DAB1: variants seen among roughly 807,000 people sequenced by gnomAD.
DAB1 encodes the protein disabled homolog 1.
DAB1 carries 15 observed loss-of-function variants against 64.6 expected under a neutral mutation model. The observed-to-expected ratio is 0.23, with a 90% CI of 0.16 to 0.36. The LOEUF is 0.36. DAB1 is among the 10% of genes least tolerant of loss of function. The pLI is 1.00. For missense variants in DAB1, 596 were observed against 706.7 expected (o/e 0.84, Z 1.78); for synonymous variants, 235 against 251.9 (o/e 0.93, Z 0.64).
At chr1:58,114,376 G>A (rs571155214) in intron 5 of DAB1, among the ~76,000 whole-genome samples, 3 of 152,326 alleles carry the variant, frequency 2.0e-5, no homozygotes, top group African/African-American at 7.2e-5. Context: ...ATGCAGGAAG[G>A]AGGATTATCT....
chr1:58,507,381 T>A (rs940900741), intron 2 of DAB1, among the ~76,000 whole-genome samples: 1 of 151,976 alleles, frequency 6.6e-6, no homozygotes, highest in Non-Finnish European at 1.5e-5. Flanking sequence ...GAACACTGCA[T>A]GCTAGTCAAC....
At chr1:57,477,507 C>T (rs1408427047) in intron 7 of DAB1, among the ~76,000 whole-genome samples, 3 of 152,126 alleles carry the variant, frequency 2.0e-5, no homozygotes, top group Non-Finnish European at 4.4e-5. Context: ...ACTAGTTTTA[C>T]GTAGCTGAAA....
intron 3 of DAB1, among the ~76,000 whole-genome samples, chr1:58,488,742 G>T (rs149449339): frequency 6.6e-6 from 1 of 152,144 alleles, no homozygotes; most frequent in Non-Finnish European, 1.5e-5. Context: ...GAGCCACCAC[G>T]CCCAGCCCCA....
At chr1:57,161,720 G>A (rs1387523908) in intron 2 of DAB1, among the ~76,000 whole-genome samples, 5 of 151,750 alleles carry the variant, frequency 3.3e-5, no homozygotes, top group African/African-American at 2.4e-5. Context: ...CTTAACATTT[G>A]GAAAGTGTAG....
intron 3 of DAB1, among the ~76,000 whole-genome samples, chr1:58,462,113 C>T (rs67222361): frequency 0.045 from 2,427 of 53,676 alleles, 99 homozygotes; most frequent in Middle Eastern, 0.15. Context: ...GAGAAGGTTT[C>T]TTTTTTTTTT....
rs1477393147 is a variant in DAB1 at position 58,400,263 on chromosome 1, C to T, written n.258-56860G>A. ...GGCCATAGTAATACTCCTGAGTTTA[C>T]ATCTCCTCTGTGAAGAGGAGACAAA... On this transcript the variant is annotated intron_variant and non_coding_transcript_variant, in intron 3 of 20. Transcript: ENST00000485760. Among the ~76,000 whole-genome samples, 5 of 151,650 alleles carry T rather than the reference C, an allele frequency of 3.3e-5. No homozygotes were observed. In the East Asian group the frequency reaches 7.8e-4, roughly 24 times the overall value.
intron 7 of DAB1, among the ~76,000 whole-genome samples, chr1:57,628,350 G>A (rs1242141306): frequency 6.6e-6 from 1 of 152,154 alleles, no homozygotes; most frequent in Non-Finnish European, 1.5e-5. Context: ...CAAAGGAATC[G>A]GCAGTTCAAA....
chr1:57,488,664 G>A lies in DAB1; in HGVS notation n.625+160928C>T, dbSNP rs116003483. On this transcript the variant is annotated intron_variant and non_coding_transcript_variant, in intron 7 of 20. Coordinates refer to the DAB1 transcript ENST00000485760. ...GCACTCCAGCCTGGGCAACAAGAGT[G>A]CAATTCTATCTCAAAATAAAATAAT... 8.5e-3 allele frequency among the ~76,000 whole-genome samples: 1,290 copies of A among 151,730 alleles called. 15 individuals are homozygous for A. The highest frequency in any genetic ancestry group is 0.023 in the African/African-American group (951 of 41,372).
At chr1:58,299,433 C>T (rs541663653) in intron 4 of DAB1, among the ~76,000 whole-genome samples, 1 of 152,312 alleles carries the variant, frequency 6.6e-6, no homozygotes, top group African/African-American at 2.4e-5. Context: ...CTTCTATTCA[C>T]ATTTATTTTA....
At chr1:57,562,288 G>A (rs1294018031) in intron 7 of DAB1, among the ~76,000 whole-genome samples, 5 of 152,208 alleles carry the variant, frequency 3.3e-5, no homozygotes, top group East Asian at 1.9e-4. Flanking sequence ...CAGGGGAATC[G>A]CTTGGACCAG....
At chr1:57,150,870 C>A (rs370087599) in intron 2 of DAB1, among the ~76,000 whole-genome samples, 15 of 152,136 alleles carry the variant, frequency 9.9e-5, no homozygotes, top group East Asian at 9.6e-4. Context: ...AAACACCACC[C>A]CAGAGCCTAT....
chr1:57,113,014 A>G (rs1046126294), intron 4 of DAB1, among the ~76,000 whole-genome samples: 2 of 152,194 alleles, frequency 1.3e-5, no homozygotes, highest in African/African-American at 2.4e-5. Flanking sequence ...CAAGAGGAAC[A>G]TACCACTGTG....
intron 8 of DAB1, 86 bp downstream of exon 8, chr1:57,069,274 C>T (rs1266251347): frequency 1.8e-6 from 2 of 1,135,088 alleles, no homozygotes; most frequent in South Asian, 1.3e-5. Flanking sequence ...GAATGACCAA[C>T]AGAACCCTTG....
In DAB1 at chr1:57,845,412, C is replaced by A. The variant is rs1444387481; in HGVS notation, n.88-18957G>T. Among the ~76,000 whole-genome samples the A allele has an allele frequency of 3.3e-5, 5 of 152,284 alleles. No individual in the cohort carries two copies. The East Asian group carries it at 9.7e-4, about 29-fold the overall frequency. ...GATTTTTCAGTCTTGTATCCAATTT[C>A]TGGTAGTCTTGCAGATATGATCCTC... On this transcript the variant is annotated intron_variant and non_coding_transcript_variant, in intron 1 of 1. Transcript: ENST00000477280.
At chr1:58,192,328 C>T (rs1418984893) in intron 4 of DAB1, among the ~76,000 whole-genome samples, 2 of 152,088 alleles carry the variant, frequency 1.3e-5, no homozygotes, top group Non-Finnish European at 2.9e-5. Context: ...CATATACTGC[C>T]TAGTGGTGAA....
At chr1:57,704,628 T>C (rs1429055621) in intron 6 of DAB1, among the ~76,000 whole-genome samples, 3 of 152,174 alleles carry the variant, frequency 2.0e-5, no homozygotes, top group Admixed American at 2.0e-4. Context: ...GAAAGTCAGT[T>C]GAAATACAAA....
At chr1:57,614,868 C>CTTTTTTTTTT (rs34907824) in intron 7 of DAB1, among the ~76,000 whole-genome samples, 15 of 38,744 alleles carry the variant, frequency 3.9e-4, no homozygotes, top group African/African-American at 8.8e-4. Flanking sequence ...TTCTTTCTTT[C>CTTTTTTTTTT]TTTTTTTTTT....
chr1:58,471,538 C>T (rs184098522), intron 3 of DAB1, among the ~76,000 whole-genome samples: 2 of 152,248 alleles, frequency 1.3e-5, no homozygotes, highest in African/African-American at 4.8e-5. Flanking sequence ...TGGCTATTGG[C>T]TGGTGATATG....
At chr1:58,534,660 C>T (rs1169261306) in intron 1 of DAB1, among the ~76,000 whole-genome samples, 1 of 152,220 alleles carries the variant, frequency 6.6e-6, no homozygotes, top group Non-Finnish European at 1.5e-5. Context: ...TAGGCCAGGG[C>T]AAGATGGCTC....
Sources: gnomAD v4.1 joint callset for allele counts (sites outside exome capture counted in the v4.1 genomes callset) on GRCh38, gnomAD v4.1.1 for gene constraint, MANE v1.5 for transcripts, NCBI Gene and HGNC (gene_info 2026-07-23, HGNC 2026-07-21) for gene names.